The following SEC13 variants were observed in gnomAD, a reference collection of about 807,000 sequenced individuals.
The protein encoded by SEC13 is protein SEC13 homolog.
A neutral mutation model predicts 49.2 loss-of-function variants in SEC13; 25 were observed. The ratio of observed to expected loss-of-function variants is 0.51; its 90% confidence interval spans 0.37 to 0.71. The LOEUF is 0.71. SEC13 is among the 30% of genes least tolerant of loss of function. The pLI is 0.00. For missense variants in SEC13, 383 were observed against 417.6 expected (o/e 0.92, Z 0.72); for synonymous variants, 148 against 163.9 (o/e 0.90, Z 0.74).
chr3:10,308,514 G>T (rs1336895112), intron 5 of SEC13, among the ~76,000 whole-genome samples: 1 of 152,128 alleles, frequency 6.6e-6, no homozygotes, highest in African/African-American at 2.4e-5. Flanking sequence ...GGCTATTAAA[G>T]CTGCTATAAC....
chr3:10,308,960 A>ACAAGT (rs1701074949), intron 5 of SEC13, among the ~76,000 whole-genome samples: 1 of 117,490 alleles, frequency 8.5e-6, no homozygotes, highest in Non-Finnish European at 1.7e-5. Context: ...TTTTTTTGAG[A>ACAAGT]CAAGTCTTGC....
chr3:10,306,556 A>C (rs1435583088), intron 5 of SEC13, among the ~76,000 whole-genome samples: 4 of 152,084 alleles, frequency 2.6e-5, no homozygotes, highest in African/African-American at 9.7e-5. Context: ...CCAGATAGGG[A>C]CACTTCTTCT....
chr3:10,303,511 G>C, intron 8 of SEC13: 1 of 199,422 alleles, frequency 5.0e-6, no homozygotes, highest in East Asian at 1.3e-4. Context: ...CTGAGCAGCT[G>C]GTCTCCAGAA....
intron 2 of SEC13, among the ~76,000 whole-genome samples, chr3:10,316,978 G>T (rs1370309866): frequency 2.1e-5 from 3 of 143,860 alleles, no homozygotes; most frequent in Non-Finnish European, 4.5e-5. Flanking sequence ...GCCAGCCTGG[G>T]CTACAAGAGC....
At position 10,301,319 on chromosome 3, in the gene SEC13, T is replaced by C. The variant is rs1700493096; in HGVS notation, c.911A>G (p.Asn304Ser). The C allele has an allele frequency of 6.2e-7, 1 of 1,614,064 alleles. No homozygotes were observed. The highest frequency in any genetic ancestry group is 1.3e-5 in the African/African-American group (1 of 74,926). ...TGCTGATACGGAGCCCTGGCCCTTG[T>C]TGACATCACTGATGCACACCCACTG... is the stretch of plus-strand genomic sequence containing the variant. Reference protein sequence around the residue: ...DGQWVCISDVNKGQGSVSASV... With the variant: ...DGQWVCISDVSKGQGSVSASV... The change falls in exon 9 of 9, where the codon AAC becomes AGC. Residue 304 changes from asparagine to serine, a missense_variant. Asn to Ser is a conservative substitution (Grantham distance 46). Transcript: ENST00000350697.
At chr3:10,316,412 C>G (rs3842906) in intron 2 of SEC13, among the ~76,000 whole-genome samples, 39,637 of 152,026 alleles carry the variant, frequency 0.26, 5,980 homozygotes, top group East Asian at 0.51. Context: ...GGAACACATC[C>G]TGATTTTTCT....
chr3:10,319,535 A>G (rs1246948966), intron 1 of SEC13, among the ~76,000 whole-genome samples: 3 of 151,996 alleles, frequency 2.0e-5, no homozygotes, highest in African/African-American at 4.8e-5. Context: ...CCCATCCCCT[A>G]ACCTTCTAAT....
intron 2 of SEC13, among the ~76,000 whole-genome samples, chr3:10,315,827 C>T (rs982687744): frequency 9.9e-5 from 15 of 152,224 alleles, no homozygotes; most frequent in Non-Finnish European, 2.1e-4. Context: ...CTGGGTTCAG[C>T]TCAGCCCTAG....
chr3:10,301,047 T>C lies in SEC13; in HGVS notation c.*214A>G. ...AGATTTGAACATCACTTGTAGTTTC[T>C]TCCTCGTAACATGAGTGCTTTCAGC... is the stretch of plus-strand genomic sequence containing the variant. On this transcript the variant is annotated 3_prime_UTR_variant, in exon 9 of 9. Transcript: ENST00000350697. 3 of 1,597,130 alleles carry C rather than the reference T, an allele frequency of 1.9e-6. No homozygotes were observed. The highest frequency in any genetic ancestry group is 2.6e-6 in the Non-Finnish European group (3 of 1,169,798).
intron 2 of SEC13, among the ~76,000 whole-genome samples, chr3:10,317,001 CAAA>C (rs35597823): frequency 0.016 from 1,215 of 74,826 alleles, 8 homozygotes; most frequent in Non-Finnish European, 0.022. Flanking sequence ...AACTCCATCT[CAAA>C]AAAAAAAAAA....
At chr3:10,305,371 T>C in intron 6 of SEC13, 188 bp downstream of exon 6, 1 of 1,040,538 alleles carries the variant, frequency 9.6e-7, no homozygotes, top group Middle Eastern at 3.0e-4. Flanking sequence ...CTCCAACAGT[T>C]GGGAATTAGG....
At chr3:10,302,834 T>C (rs1314763125) in intron 8 of SEC13, among the ~76,000 whole-genome samples, 1 of 152,196 alleles carries the variant, frequency 6.6e-6, no homozygotes, top group Non-Finnish European at 1.5e-5. Context: ...GGGCTGTCTA[T>C]ACAATGCAAC....
chr3:10,316,198 C>A (rs944776668), intron 2 of SEC13, among the ~76,000 whole-genome samples: 1 of 152,178 alleles, frequency 6.6e-6, no homozygotes, highest in Non-Finnish European at 1.5e-5. Context: ...CTCTGAGGCA[C>A]CATGCCTCCT....
rs148892058 is a variant in SEC13, at chr3:10,301,884, T to C, written c.856-510A>G. ...TGTTTCTACACTGAAGTAAACTGTA[T>C]AAGAAATAGCTAAGAGCTGAAAAGG... On this transcript the variant is annotated intron_variant, in intron 8 of 8. Coordinates refer to ENST00000350697, the MANE Select transcript of SEC13 (RefSeq NM_183352.3). Among the ~76,000 whole-genome samples, 7 of 152,106 alleles carry C rather than the reference T, an allele frequency of 4.6e-5. No individual in the cohort carries two copies. The East Asian group carries it at 1.2e-3, about 25-fold the overall frequency.
rs1221687604 is a variant in SEC13, at chr3:10,305,116, C to T, written c.625G>A (p.Glu209Lys). The T allele has an allele frequency of 6.2e-7, 1 of 1,613,966 alleles. No individual in the cohort carries two copies. Among genetic ancestry groups the T allele is most frequent in the Non-Finnish European group, 8.5e-7 (1 of 1,179,992 alleles). Reference protein sequence around the residue: ...DGQWKEEQKLEAHSDWVRDVA... With the variant: ...DGQWKEEQKLKAHSDWVRDVA... Reference sequence around the variant, plus strand: ...TCTCGAACCCAGTCACTGTGCGCTTCTAGCTTCTGCTCCTCCTTCCACTGG... The same window carrying T: ...TCTCGAACCCAGTCACTGTGCGCTTTTAGCTTCTGCTCCTCCTTCCACTGG... The change falls in exon 7 of 9, where the codon GAA becomes AAA. Residue 209 changes from glutamate to lysine, a missense_variant. By Grantham distance (56) the Glu-to-Lys change is moderately conservative (BLOSUM62 1). Transcript: ENST00000350697.
At chr3:10,315,069 G>C in intron 3 of SEC13, 1 of 384,852 alleles carries the variant, frequency 2.6e-6, no homozygotes, top group South Asian at 3.7e-5. Flanking sequence ...CTTGCCCAAG[G>C]TCTTCTGGTG....
At chr3:10,319,984 AGTGGGGAGAGAGGGAGG>A (rs1273653527) in intron 1 of SEC13, among the ~76,000 whole-genome samples, 20 of 33,616 alleles carry the variant, frequency 5.9e-4, no homozygotes, top group African/African-American at 2.0e-3. Flanking sequence ...AGGGAGAGGG[AGTGGGGAGAGAGGGAGG>A]GTGGGGAGAG....
At chr3:10,318,510 T>G (rs1350063162) in intron 1 of SEC13, among the ~76,000 whole-genome samples, 1 of 151,672 alleles carries the variant, frequency 6.6e-6, no homozygotes, top group Non-Finnish European at 1.5e-5. Flanking sequence ...GCCTGATGTG[T>G]GTGGGGAAAC....
intron 2 of SEC13, among the ~76,000 whole-genome samples, chr3:10,316,104 G>C (rs1464720614): frequency 6.6e-6 from 1 of 152,142 alleles, no homozygotes; most frequent in African/African-American, 2.4e-5. Context: ...CTCACCACTT[G>C]TGAACCGAAT....
Sources: allele counts gnomAD v4.1 joint callset (sites outside exome capture counted in the v4.1 genomes callset), GRCh38; gene constraint gnomAD v4.1.1; transcripts MANE v1.5; gene names NCBI Gene and HGNC (gene_info 2026-07-23, HGNC 2026-07-21).